The following MMAB variants were observed in gnomAD, a reference collection of about 807,000 sequenced individuals.
MMAB encodes metabolism of cobalamin associated B.
In MMAB, 17 loss-of-function variants were observed where a neutral mutation model predicts 30.6. The ratio of observed to expected loss-of-function variants is 0.56; its 90% CI spans 0.38 to 0.83. The LOEUF (loss-of-function observed/expected upper bound fraction) is 0.83, where lower values mean the gene tolerates loss of function less well. Among genes scored for constraint, MMAB ranks in the 40% least tolerant of loss-of-function variants. The pLI, the probability that MMAB is intolerant of heterozygous loss-of-function variation, is 0.00. For missense variants in MMAB, 311 were observed against 331.6 expected (o/e 0.94, Z 0.48); for synonymous variants, 134 against 138.6 (o/e 0.97, Z 0.23).
chr12:109,562,369 C>T (rs1299189600), intron 4 of MMAB, among the ~76,000 whole-genome samples: 1 of 152,214 alleles, frequency 6.6e-6, no homozygotes. Flanking sequence ...CAGACTAATA[C>T]AGGCTATCAG....
chr12:109,558,336 C>G lies in MMAB; in HGVS notation c.644+760G>C, dbSNP rs1884054311. On this transcript the variant is annotated intron_variant, in intron 8 of 8. Coordinates refer to ENST00000545712, the MANE Select transcript of MMAB (RefSeq NM_052845.4). This position sits in a 1 kb window ranked among gnomAD's most constrained non-coding sequence, Gnocchi z 4.3. ...TCCTCACTCCCGGCGAAACCCCCCTCCCAGAAGGAAAGGAGCTGCTCAGGA... is the reference window on the plus strand; with the variant it reads ...TCCTCACTCCCGGCGAAACCCCCCTGCCAGAAGGAAAGGAGCTGCTCAGGA... Among the ~76,000 whole-genome samples, 2 of 152,146 alleles carry G rather than the reference C, an allele frequency of 1.3e-5. No individual in the cohort carries two copies.
rs370296168 is a variant in MMAB at position 109,556,640 on chromosome 12, GCT to G, written c.*386_*387del. The G allele has an allele frequency of 0.017, 7,378 of 434,550 alleles. 78 individuals are homozygous for G. Among genetic ancestry groups the G allele is most frequent in the African/African-American group, 0.023 (1,045 of 45,150 alleles). 26.9% of individuals were successfully genotyped at this position (434,550 alleles called of 1,614,324 possible). On this transcript the variant is annotated 3_prime_UTR_variant, in exon 9 of 9. Coordinates refer to ENST00000545712, the MANE Select transcript of MMAB (RefSeq NM_052845.4). Reference sequence around the variant, plus strand: ...AACAACCTGAGCTGGCAGTGGGAGGGCTCTCTCTCACACACACACACACACAC... The same window carrying G: ...AACAACCTGAGCTGGCAGTGGGAGGGCTCTCTCACACACACACACACACAC...
At position 109,569,164 on chromosome 12, in the gene MMAB, C is replaced by A. The variant is rs1884547601; in HGVS notation, c.197-301G>T. Among the ~76,000 whole-genome samples, 1 of 152,086 alleles carries A rather than the reference C, an allele frequency of 6.6e-6. No individual in the cohort carries two copies. Among genetic ancestry groups the A allele is most frequent in the Non-Finnish European group, 1.5e-5 (1 of 68,024 alleles). On this transcript the variant is annotated intron_variant, in intron 2 of 8. Transcript: ENST00000545712. This position sits in a 1 kb window ranked among gnomAD's most constrained non-coding sequence, Gnocchi z 4.1. ...TTTCGCCCATGTTGGCCGAGCTAGT[C>A]TTGAACTCCTGGTCTCAAGTGATTC...
At position 109,556,691 on chromosome 12, in the gene MMAB, C is replaced by T; in HGVS notation, c.*337G>A. On this transcript the variant is annotated 3_prime_UTR_variant, in exon 9 of 9. Transcript: ENST00000545712. ...ACACACACACACACACACACACACA[C>T]ACGGCTCCAGCCTTTCCAACTTTTA... The T allele has an allele frequency of 8.5e-6, 4 of 470,976 alleles. No individual in the cohort carries two copies. Among genetic ancestry groups the T allele is most frequent in the Non-Finnish European group, 1.7e-5 (4 of 238,226 alleles). The allele number at this position is 470,976 out of a possible 1,614,324, so 29.2% of individuals were successfully genotyped here.
At chr12:109,560,619 T>A (rs1424121531) in intron 7 of MMAB, among the ~76,000 whole-genome samples, 1 of 152,238 alleles carries the variant, frequency 6.6e-6, no homozygotes, top group African/African-American at 2.4e-5. Context: ...AGGAGCCTTA[T>A]GCACCCAGCA....
At chr12:109,570,809 G>A (rs1452102282) in intron 2 of MMAB, among the ~76,000 whole-genome samples, 1 of 147,102 alleles carries the variant, frequency 6.8e-6, no homozygotes, top group African/African-American at 2.5e-5. Context: ...GAAAGGTGGA[G>A]GCTGTTGTGA....
rs34992643 is a variant in MMAB at position 109,572,411 on chromosome 12, AT to A, written c.135-702del. Among the ~76,000 whole-genome samples the A allele has an allele frequency of 7.4e-3, 880 of 119,024 alleles. 16 individuals are homozygous for A. The highest frequency in any genetic ancestry group is 0.052 in the East Asian group (220 of 4,252). 78.1% of individuals were successfully genotyped at this position (119,024 alleles called of 152,430 possible). On this transcript the variant is annotated intron_variant, in intron 1 of 8. Coordinates refer to ENST00000545712, the MANE Select transcript of MMAB (RefSeq NM_052845.4). ...GGGTGTATACCACCACACCCAGCTA[AT>A]TTTTTTTTTTTTTTTTTTTTGGTAG...
chr12:109,561,538 G>A lies in MMAB; in HGVS notation c.422-21C>T, dbSNP rs769253483. 8.4e-6 allele frequency: 13 copies of A among 1,540,212 alleles called. No individual in the cohort carries two copies. The highest frequency in any genetic ancestry group is 1.1e-5 in the Non-Finnish European group (12 of 1,141,924). On this transcript the variant is annotated intron_variant, in intron 5 of 8. Coordinates refer to ENST00000545712, the MANE Select transcript of MMAB (RefSeq NM_052845.4). This position sits in a 1 kb window ranked among gnomAD's most constrained non-coding sequence, Gnocchi z 5.3. ...ATACTCTGAGGAGCCAAGGAGCAGAGGGAACTGCCATGAGGCCATCACCCA... is the reference window on the plus strand; with the variant it reads ...ATACTCTGAGGAGCCAAGGAGCAGAAGGAACTGCCATGAGGCCATCACCCA...
chr12:109,570,560 T>G (rs1884595437), intron 2 of MMAB, among the ~76,000 whole-genome samples: 1 of 152,200 alleles, frequency 6.6e-6, no homozygotes, highest in Admixed American at 6.5e-5. Context: ...TCTGCATGCT[T>G]TTGTACTACA....
chr12:109,562,065 C>T (rs1884232800), intron 4 of MMAB, among the ~76,000 whole-genome samples: 1 of 152,130 alleles, frequency 6.6e-6, no homozygotes, highest in Non-Finnish European at 1.5e-5. Context: ...GTGATTGGAT[C>T]ATTGGGGTAG....
intron 4 of MMAB, among the ~76,000 whole-genome samples, chr12:109,562,832 G>A (rs1015332356): frequency 6.6e-6 from 1 of 152,190 alleles, no homozygotes; most frequent in African/African-American, 2.4e-5. Context: ...TGGAACAGAA[G>A]TGGTCTGTTA....
chr12:109,560,320 C>T (rs61940465), intron 7 of MMAB, among the ~76,000 whole-genome samples: 15,453 of 152,190 alleles, frequency 0.1, 1,945 homozygotes, highest in African/African-American at 0.3. Flanking sequence ...TGAGCCACAG[C>T]TTCCTGACTC....
In MMAB at chr12:109,561,076, TGCAGC is replaced by T; in HGVS notation, c.543_547del (p.Leu182PhefsTer35). The T allele has an allele frequency of 6.5e-7, 1 of 1,541,180 alleles. No homozygotes were observed. On this transcript the variant is annotated frameshift_variant, in exon 7 of 9. Transcript: ENST00000545712. LOFTEE classifies it high-confidence loss of function. The surrounding 1 kb of genome is among the most constrained non-coding windows in gnomAD (Gnocchi z 5.3). The stretch of plus-strand genomic sequence containing the variant: ...CCGGCGGCACACGGCCCGGCAGAAA[TGCAGC>T]GCCGAGCTGATCTTGCCTCCCGACT...
In MMAB at chr12:109,553,732, C is replaced by A. The variant is rs777939885; in HGVS notation, c.*3296G>T. ...GGCACTGATTTATGTAGCATTCATG[C>A]GGAATTTATTATACAAAGAATTTTA... On this transcript the variant is annotated 3_prime_UTR_variant, in exon 9 of 9. Transcript: ENST00000545712. The A allele has an allele frequency of 5.0e-6, 2 of 400,980 alleles. No individual in the cohort carries two copies. The highest frequency in any genetic ancestry group is 2.1e-5 in the African/African-American group (1 of 48,384). 24.8% of individuals were successfully genotyped at this position (400,980 alleles called of 1,614,324 possible). A position where few individuals can be genotyped will look rare whatever the true frequency, so the allele number is the denominator to read the frequency against.
rs1884048663 is a variant in MMAB, at chr12:109,558,233, C to T, written c.644+863G>A. 1.3e-5 allele frequency among the ~76,000 whole-genome samples: 2 copies of T among 152,178 alleles called. No individual in the cohort carries two copies. The highest frequency in any genetic ancestry group is 4.8e-5 in the African/African-American group (2 of 41,454). On this transcript the variant is annotated intron_variant, in intron 8 of 8. Transcript: ENST00000545712. This position sits in a 1 kb window ranked among gnomAD's most constrained non-coding sequence, Gnocchi z 4.3. ...TGCTTGTTGGCTCTGTGAAGCCTCA[C>T]TGAGGAGATGAAATGGCCTGTCCCG...
At position 109,571,677 on chromosome 12, in the gene MMAB, G is replaced by C. The variant is rs752857938; in HGVS notation, c.168C>G (p.Pro56=). 21 of 1,613,980 alleles carry C rather than the reference G, an allele frequency of 1.3e-5. No individual in the cohort carries two copies. The highest frequency in any genetic ancestry group is 9.3e-5 in the African/African-American group (7 of 74,908). The change falls in exon 2 of 9, where the codon CCC becomes CCG. Residue 56 remains proline (P), a synonymous_variant. Transcript: ENST00000545712. ...PQPSSKTPRI[P]KIYTKTGDKG... is the part of the protein sequence containing the mutation. ...TGTCTCCCGTTTTGGTGTAAATCTT[G>C]GGGATCCTGGGTGTCTTCGAGGAAG...
Position 109,561,007 on chromosome 12 carries a change from C to G in MMAB, c.584+33G>C. 6.7e-7 allele frequency: 1 copy of G among 1,486,076 alleles called. No individual in the cohort carries two copies. The highest frequency in any genetic ancestry group is 9.3e-7 in the Non-Finnish European group (1 of 1,074,690). 92.1% of individuals were successfully genotyped at this position (1,486,076 alleles called of 1,614,324 possible). ...CTCCCCCTTGTTCCTCTCCCTCTCC[C>G]TTGGGCCCTCTCCCTCTCTCCAGCC... On this transcript the variant is annotated intron_variant, in intron 7 of 8. Coordinates refer to ENST00000545712, the MANE Select transcript of MMAB (RefSeq NM_052845.4). The surrounding 1 kb of genome is among the most constrained non-coding windows in gnomAD (Gnocchi z 5.3).
Position 109,573,417 on chromosome 12 carries a change from A to G in MMAB, c.64T>C (p.Phe22Leu), listed in dbSNP as rs773816976. The G allele has an allele frequency of 3.7e-6, 6 of 1,610,136 alleles. No homozygotes were observed. The highest frequency in any genetic ancestry group is 3.4e-6 in the Non-Finnish European group (4 of 1,179,234). ...GGATACAGGAGCCTGGCGGCGCCGAAGCACCCGCGCAGGCCAAGACGGCTC... is the reference window on the plus strand; with the variant it reads ...GGATACAGGAGCCTGGCGGCGCCGAGGCACCCGCGCAGGCCAAGACGGCTC... ...LGSRLGLRGCFGAARLLYPRF... is the reference protein window; with the variant it reads ...LGSRLGLRGCLGAARLLYPRF... Residue 22 changes from phenylalanine to leucine, a missense_variant, in exon 1 of 9, where the codon TTC becomes CTC. Coordinates refer to ENST00000545712, the MANE Select transcript of MMAB (RefSeq NM_052845.4).
Position 109,568,785 on chromosome 12 carries a change from A to G in MMAB, c.275T>C (p.Leu92Ser), listed in dbSNP as rs778256928. The stretch of plus-strand genomic sequence containing the variant: ...TCCCCCTTACCCAATAGCTGAACTT[A>G]ATTCATCTGTAGTTCCCACGGCTTC... ...VFEAVGTTDE[L>S]SSAIGFALEL... The change falls in exon 3 of 9, where the codon TTA becomes TCA. Residue 92 changes from leucine to serine, a missense_variant. By Grantham distance (145) the Leu-to-Ser change is moderately radical. Transcript: ENST00000545712. 1 of 1,613,864 alleles carries G rather than the reference A, an allele frequency of 6.2e-7. No individual in the cohort carries two copies. Among genetic ancestry groups the G allele is most frequent in the Non-Finnish European group, 8.5e-7 (1 of 1,179,698 alleles).
Sources: gnomAD v4.1 joint callset for allele counts (sites outside exome capture counted in the v4.1 genomes callset) on GRCh38, gnomAD v4.1.1 for gene constraint, Gnocchi (gnomAD v3.1) non-coding constraint, MANE v1.5 for transcripts, NCBI Gene and HGNC (gene_info 2026-07-23, HGNC 2026-07-21) for gene names.